GRM7: variants seen among roughly 807,000 people sequenced by gnomAD.
GRM7 encodes glutamate metabotropic receptor 7.
GRM7 carries 35 observed loss-of-function variants against 84.5 expected under a neutral mutation model. The observed-to-expected ratio is 0.41, with a 90% CI of 0.32 to 0.55. The LOEUF (loss-of-function observed/expected upper bound fraction) is 0.55. GRM7 is among the 20% of genes least tolerant of loss of function. The probability of loss-of-function intolerance (pLI) is 0.19; values close to 1 mark genes in which losing one functional copy is unlikely to be tolerated. For synonymous variants in GRM7, 487 were observed against 455.1 expected, an observed-to-expected ratio of 1.07 and a Z score of -0.89; for missense variants, 1,003 against 1,194.6, an observed-to-expected ratio of 0.84 and a Z score of 2.36.
intron 4 of GRM7, among the ~76,000 whole-genome samples, chr3:7,350,420 G>A (rs1693087775): frequency 6.6e-6 from 1 of 151,774 alleles, no homozygotes; most frequent in Admixed American, 6.6e-5. Flanking sequence ...ATAATACGTG[G>A]TACCTCCCAC....
rs186231493 is a variant in GRM7 at position 7,214,742 on chromosome 3, G to A, written c.736+68074G>A. ...AAATGCTGGCAGGTTTGAAAAATAC[G>A]TTCAGAGAAAAAGAATACAATTGGG... On this transcript the variant is annotated intron_variant, in intron 2 of 9. Transcript: ENST00000357716. 1.2e-3 allele frequency among the ~76,000 whole-genome samples: 189 copies of A among 152,248 alleles called. 1 individual carries two copies. Among genetic ancestry groups the A allele is most frequent in the African/African-American group, 3.8e-3 (159 of 41,550 alleles).
intron 4 of GRM7, among the ~76,000 whole-genome samples, chr3:7,391,379 A>G (rs1466853132): frequency 6.6e-6 from 1 of 152,202 alleles, no homozygotes; most frequent in Non-Finnish European, 1.5e-5. Flanking sequence ...CTATGCAGCC[A>G]TAAAAAAGGA....
At position 7,497,478 on chromosome 3, in the gene GRM7, C is replaced by T. The variant is rs75392681; in HGVS notation, c.1515+35756C>T. On this transcript the variant is annotated intron_variant, in intron 7 of 9. Coordinates refer to ENST00000357716, the MANE Select transcript of GRM7 (RefSeq NM_000844.4). ...CTAGATTTACTACAGTCTCTACCAACATGGGAGGTTTCAGTGCGTGGCTCG... is the reference window on the plus strand; with the variant it reads ...CTAGATTTACTACAGTCTCTACCAATATGGGAGGTTTCAGTGCGTGGCTCG... Among the ~76,000 whole-genome samples, 1,272 of 152,282 alleles carry T rather than the reference C, an allele frequency of 8.4e-3. 5 individuals are homozygous for T. The highest frequency in any genetic ancestry group is 0.014 in the Middle Eastern group (4 of 294).
At chr3:7,664,685 C>A (rs904119623) in intron 8 of GRM7, among the ~76,000 whole-genome samples, 2 of 152,038 alleles carry the variant, frequency 1.3e-5, no homozygotes, top group Non-Finnish European at 2.9e-5. Flanking sequence ...ATTTTTATTC[C>A]ATCTTATATG....
intron 1 of GRM7, among the ~76,000 whole-genome samples, chr3:7,134,963 C>G (rs1226868657): frequency 6.6e-6 from 1 of 152,020 alleles, no homozygotes; most frequent in Admixed American, 6.6e-5. Context: ...ACTTGGATTT[C>G]AAGAAAATGG....
intron 2 of GRM7, among the ~76,000 whole-genome samples, chr3:7,168,538 G>A (rs1694880395): frequency 6.6e-6 from 1 of 152,150 alleles, no homozygotes; most frequent in Admixed American, 6.5e-5. Context: ...CACTGAATCT[G>A]CCAGCACTTT....
At chr3:7,482,718 GT>G in intron 7 of GRM7, among the ~76,000 whole-genome samples, 1 of 152,264 alleles carries the variant, frequency 6.6e-6, no homozygotes, top group Admixed American at 6.5e-5. Context: ...AGAGATAAAG[GT>G]TTTTTAAGAA....
chr3:7,181,999 C>G (rs900961822), intron 2 of GRM7, among the ~76,000 whole-genome samples: 78 of 152,078 alleles, frequency 5.1e-4, no homozygotes, highest in African/African-American at 1.9e-3. Flanking sequence ...TTAACAATGG[C>G]CTTGGTACAA....
chr3:7,456,838 AG>A (rs924833464), intron 6 of GRM7, among the ~76,000 whole-genome samples: 8 of 152,254 alleles, frequency 5.3e-5, no homozygotes, highest in Middle Eastern at 3.4e-3. Flanking sequence ...AGTGCTCAAA[AG>A]TTTTGTAAAG....
At chr3:7,637,387 C>T (rs1198035369) in intron 8 of GRM7, among the ~76,000 whole-genome samples, 2 of 152,128 alleles carry the variant, frequency 1.3e-5, no homozygotes, top group African/African-American at 2.4e-5. Context: ...GAATGAATCA[C>T]GTCAAGCCAG....
Position 7,680,254 on chromosome 3 carries a change from GT to G in GRM7, c.2658del (p.Glu887ArgfsTer10). 6.2e-7 allele frequency: 1 copy of G among 1,614,142 alleles called. No individual in the cohort carries two copies. Among genetic ancestry groups the G allele is most frequent in the Non-Finnish European group, 8.5e-7 (1 of 1,179,966 alleles). On this transcript the variant is annotated frameshift_variant, in exon 9 of 10. Transcript: ENST00000357716. LOFTEE classifies it high-confidence loss of function. The part of the protein sequence containing the change: ...LSHKPSDRPN[G>X]EAKTELCENV... The stretch of plus-strand genomic sequence containing the variant: ...CACAAACCCAGTGACAGACCCAACG[GT>G]GAGGCAAAGACCGAGCTCTGTGAAA...
chr3:6,894,010 G>C (rs1696073104), intron 1 of GRM7: 1 of 152,110 alleles, frequency 6.6e-6, no homozygotes, highest in African/African-American at 2.4e-5. Flanking sequence ...TGTCAGTCTT[G>C]AGTGCAAACC....
chr3:7,465,754 G>A (rs1698437700), intron 7 of GRM7, among the ~76,000 whole-genome samples: 2 of 152,182 alleles, frequency 1.3e-5, no homozygotes, highest in South Asian at 2.1e-4. Flanking sequence ...TTCGAGGGCG[G>A]CTTTCTCTGT....
chr3:7,579,040 G>A lies in GRM7; in HGVS notation c.2134G>A (p.Val712Ile). Residue 712 changes from valine to isoleucine, a missense_variant, in exon 8 of 10, where the codon GTT becomes ATT. By Grantham distance (29) the Val-to-Ile change is conservative. Around this residue, in one of 2 missense-constraint regions of GRM7, gnomAD observed 910 missense variants for 1,126.0 expected, o/e 0.81. Transcript: ENST00000357716. Reference protein sequence around the residue: ...QLAITSSLISVQLLGVFIWFG... With the variant: ...QLAITSSLISIQLLGVFIWFG... ...GGCAATCACTTCCAGTTTAATATCAGTTCAGCTTCTAGGGGTGTTCATTTG... is the reference window on the plus strand; with the variant it reads ...GGCAATCACTTCCAGTTTAATATCAATTCAGCTTCTAGGGGTGTTCATTTG... 6.2e-7 allele frequency: 1 copy of A among 1,614,070 alleles called. No individual in the cohort carries two copies. The highest frequency in any genetic ancestry group is 8.5e-7 in the Non-Finnish European group (1 of 1,180,012).
chr3:7,397,881 C>T (rs540770653), intron 4 of GRM7, among the ~76,000 whole-genome samples: 5 of 152,080 alleles, frequency 3.3e-5, no homozygotes, highest in East Asian at 3.9e-4. Flanking sequence ...AATGCATCCC[C>T]AGAACAGAGT....
At chr3:7,724,553 T>C (rs1702058639) in intron 9 of GRM7, among the ~76,000 whole-genome samples, 1 of 152,202 alleles carries the variant, frequency 6.6e-6, no homozygotes, top group Non-Finnish European at 1.5e-5. Context: ...TTCCTACTCA[T>C]GGAAGCAGAT....
intron 7 of GRM7, chr3:7,559,134 T>A (rs1232000827): frequency 1.6e-5 from 1 of 61,096 alleles, no homozygotes; most frequent in Non-Finnish European, 3.4e-5. Context: ...AACAGTCGCT[T>A]TTTTTTTTTT....
At chr3:7,182,203 C>T (rs907706569) in intron 2 of GRM7, among the ~76,000 whole-genome samples, 3 of 152,050 alleles carry the variant, frequency 2.0e-5, no homozygotes, top group Non-Finnish European at 4.4e-5. Flanking sequence ...AAGCTTCCCT[C>T]AGAATTTACT....
intron 2 of GRM7, among the ~76,000 whole-genome samples, chr3:7,294,830 C>T (rs1364575170): frequency 6.6e-6 from 1 of 152,156 alleles, no homozygotes; most frequent in African/African-American, 2.4e-5. Context: ...TTCACAAGCT[C>T]TTCTGTAAGT....
Sources: gnomAD v4.1 joint callset for allele counts (sites outside exome capture counted in the v4.1 genomes callset) on GRCh38, gnomAD v4.1.1 for gene constraint, gnomAD v4.1.1 regional missense constraint, MANE v1.5 for transcripts, NCBI Gene and HGNC (gene_info 2026-07-23, HGNC 2026-07-21) for gene names.